The following TCOF1 variants were observed in gnomAD, a reference collection of about 807,000 sequenced individuals.
TCOF1 encodes treacle ribosome biogenesis factor 1.
Under a neutral mutation model 149.0 loss-of-function variants are expected in TCOF1, and 33 were observed. The observed-to-expected ratio is 0.22, with a 90% CI of 0.17 to 0.30. The LOEUF (loss-of-function observed/expected upper bound fraction) is 0.30, where lower values mean the gene tolerates loss of function less well. Ranked by LOEUF, TCOF1 falls within the 10% of genes least tolerant of loss-of-function variation. The pLI is 1.00. For missense variants in TCOF1, 1,728 were observed against 1,840.7 expected (o/e 0.94, Z 1.12); for synonymous variants, 789 against 738.8 (o/e 1.07, Z -1.10).
chr5:150,392,436 T>A (rs1396908423), intron 21 of TCOF1: 1 of 608,852 alleles, frequency 1.6e-6, no homozygotes, highest in African/African-American at 1.9e-5. Flanking sequence ...TCCAGGGCCA[T>A]GTTTCTGGAA....
At position 150,398,974 on chromosome 5, in the gene TCOF1, G is replaced by A. The variant is rs776679152; in HGVS notation, c.4444-48G>A. The A allele has an allele frequency of 1.6e-5, 26 of 1,613,882 alleles. No homozygotes were observed. In the Admixed American group the frequency reaches 3.0e-4, roughly 19 times the overall value. On this transcript the variant is annotated intron_variant, in intron 25 of 26. Coordinates refer to ENST00000643257, the MANE Select transcript of TCOF1 (RefSeq NM_001371623.1). ...TCAGGAGGTGGGGGCAGCAGTGGGT[G>A]GGGAAAAGCTGCAGGTCTGAGAGCC...
intron 3 of TCOF1, among the ~76,000 whole-genome samples, chr5:150,365,778 G>T (rs1417224156): frequency 6.6e-6 from 1 of 151,976 alleles, no homozygotes; most frequent in African/African-American, 2.4e-5. Flanking sequence ...GGCCTCAAGT[G>T]ATCCTCCTGC....
chr5:150,381,915 G>A (rs560641227), intron 17 of TCOF1, among the ~76,000 whole-genome samples: 1 of 152,300 alleles, frequency 6.6e-6, no homozygotes, highest in African/African-American at 2.4e-5. Context: ...CTGGGGGCAG[G>A]CCAGGCACGG....
intron 18 of TCOF1, among the ~76,000 whole-genome samples, chr5:150,389,238 G>A (rs1393192125): frequency 2.6e-5 from 4 of 152,120 alleles, no homozygotes; most frequent in African/African-American, 4.8e-5. Flanking sequence ...TTTGACAAAT[G>A]CTAACTTTAT....
chr5:150,372,250 G>A lies in TCOF1; in HGVS notation c.870+14G>A, dbSNP rs1762710595. ...ACACGAAGCCAGGTGAGGCCTGGAG[G>A]AGGGCTGCCCCTTGGAGGACCTGCG... On this transcript the variant is annotated intron_variant, in intron 7 of 26. Transcript: ENST00000643257. 1.9e-6 allele frequency: 3 copies of A among 1,599,262 alleles called. No individual in the cohort carries two copies. Among genetic ancestry groups the A allele is most frequent in the Non-Finnish European group, 2.6e-6 (3 of 1,173,300 alleles).
chr5:150,376,293 A>C lies in TCOF1; in HGVS notation c.2105A>C (p.Glu702Ala). 1 of 1,614,194 alleles carries C rather than the reference A, an allele frequency of 6.2e-7. No homozygotes were observed. The highest frequency in any genetic ancestry group is 1.3e-5 in the African/African-American group (1 of 75,044). The change falls in exon 13 of 27, where the codon GAG becomes GCG. Residue 702 changes from glutamate to alanine, a missense_variant. Coordinates refer to ENST00000643257, the MANE Select transcript of TCOF1 (RefSeq NM_001371623.1). Reference sequence around the variant, plus strand: ...TCAAGCAGTGAGGAATCAGATAGTGAGGAAGAGAAGACAGGTCTTGCAGTA... The same window carrying C: ...TCAAGCAGTGAGGAATCAGATAGTGCGGAAGAGAAGACAGGTCTTGCAGTA... ...DSSSSEESDS[E>A]EEKTGLAVTV...
rs1231290235 is a variant in TCOF1 at position 150,376,578 on chromosome 5, G to A, written c.2298G>A (p.Glu766=). The A allele has an allele frequency of 1.3e-6, 2 of 1,588,920 alleles. No individual in the cohort carries two copies. The highest frequency in any genetic ancestry group is 1.8e-4 in the Middle Eastern group (1 of 5,560). Residue 766 remains glutamate (E), a synonymous_variant, in exon 14 of 27, where the codon GAG becomes GAA. Coordinates refer to ENST00000643257, the MANE Select transcript of TCOF1 (RefSeq NM_001371623.1). ...AGCAGGAAGACTCTGAGAGCAGTGAGGAGGAATCAGACAGTGAGGAAGCAG... is the reference window on the plus strand; with the variant it reads ...AGCAGGAAGACTCTGAGAGCAGTGAAGAGGAATCAGACAGTGAGGAAGCAG... ...AEKQEDSESS[E]EESDSEEAAA...
At chr5:150,381,854 G>A (rs1765273201) in intron 17 of TCOF1, among the ~76,000 whole-genome samples, 1 of 152,126 alleles carries the variant, frequency 6.6e-6, no homozygotes, top group Admixed American at 6.5e-5. Flanking sequence ...CTTCATCTCT[G>A]CACTCCACTA....
chr5:150,393,556 A>G lies in TCOF1; in HGVS notation c.3784+4A>G. 1 of 1,614,150 alleles carries G rather than the reference A, an allele frequency of 6.2e-7. No individual in the cohort carries two copies. Among genetic ancestry groups the G allele is most frequent in the Non-Finnish European group, 8.5e-7 (1 of 1,180,014 alleles). ...GGCATGTTGTCCCCTAAAACAGGTA[A>G]GTTAAGGTCTGCAGGAGGGACATAG... On this transcript the variant is annotated splice_donor_region_variant and intron_variant, in intron 23 of 26. Coordinates refer to ENST00000643257, the MANE Select transcript of TCOF1 (RefSeq NM_001371623.1).
intron 21 of TCOF1, 39 bp downstream of exon 21, chr5:150,392,215 G>T: frequency 6.2e-7 from 1 of 1,604,520 alleles, no homozygotes; most frequent in Non-Finnish European, 8.5e-7. Flanking sequence ...GGGCCAGGAA[G>T]AGGGTGTTGT....
chr5:150,389,774 C>T, intron 18 of TCOF1, 113 bp from the exon 19 acceptor site: 1 of 1,585,450 alleles, frequency 6.3e-7, no homozygotes, highest in South Asian at 1.1e-5. Flanking sequence ...CTCTGTAAGC[C>T]CTGAGCACAG....
intron 18 of TCOF1, 104 bp from the exon 19 acceptor site, chr5:150,389,783 A>G: frequency 1.3e-6 from 2 of 1,597,900 alleles, no homozygotes; most frequent in Non-Finnish European, 1.7e-6. Context: ...CCCTGAGCAC[A>G]GCTCTAGATC....
At position 150,369,043 on chromosome 5, in the gene TCOF1, T is replaced by C. The variant is rs1030891074; in HGVS notation, c.565+141T>C. On this transcript the variant is annotated intron_variant, in intron 5 of 26. Transcript: ENST00000643257. ...AGCCAGGTTCCTGCATCTTAGGACT[T>C]TTCTCATCACCTAGACGAGGGAGGG... The C allele has an allele frequency of 8.0e-6, 9 of 1,129,040 alleles. No individual in the cohort carries two copies. In the African/African-American group the frequency reaches 1.1e-4, roughly 14 times the overall value. 69.9% of individuals were successfully genotyped at this position (1,129,040 alleles called of 1,614,324 possible).
In TCOF1 at chr5:150,392,200, A is replaced by G. The variant is rs531341763; in HGVS notation, c.3517+24A>G. On this transcript the variant is annotated intron_variant, in intron 21 of 26. Coordinates refer to ENST00000643257, the MANE Select transcript of TCOF1 (RefSeq NM_001371623.1). ...GGGTGAGGGTGCCAGGGGAAAGGCA[A>G]GGGTGGGCCAGGAAGAGGGTGTTGT... 6 of 1,610,240 alleles carry G rather than the reference A, an allele frequency of 3.7e-6. No individual in the cohort carries two copies. In the African/African-American group the frequency reaches 8.0e-5, roughly 21 times the overall value.
chr5:150,375,643 G>A, intron 11 of TCOF1, 78 bp from the exon 12 acceptor site: 2 of 1,612,516 alleles, frequency 1.2e-6, no homozygotes, highest in Non-Finnish European at 1.7e-6. Context: ...CTGGGACTCT[G>A]TCTACAATCT....
chr5:150,382,722 G>A (rs1011042084), intron 17 of TCOF1, among the ~76,000 whole-genome samples: 1 of 152,358 alleles, frequency 6.6e-6, no homozygotes, highest in South Asian at 2.1e-4. Flanking sequence ...GCTGTGCTGG[G>A]ACCACTGGCT....
intron 17 of TCOF1, chr5:150,385,187 C>A: frequency 1.4e-6 from 1 of 718,082 alleles, no homozygotes; most frequent in Non-Finnish European, 1.7e-6. Flanking sequence ...TTTTTAAGGC[C>A]AACTTCTTCT....
chr5:150,390,632 ACT>A (rs914929129), intron 19 of TCOF1, among the ~76,000 whole-genome samples: 15 of 137,236 alleles, frequency 1.1e-4, no homozygotes, highest in African/African-American at 4.2e-4. Context: ...TCCATGACAC[ACT>A]CTGACCTCTC....
intron 4 of TCOF1, 114 bp downstream of exon 4, chr5:150,368,031 A>T (rs980348383): frequency 5.9e-5 from 69 of 1,163,374 alleles, no homozygotes; most frequent in Middle Eastern, 5.9e-4. Context: ...ACCTGGATTC[A>T]GAGCTCAACC....
Sources: gnomAD v4.1 joint callset for allele counts (sites outside exome capture counted in the v4.1 genomes callset) on GRCh38, gnomAD v4.1.1 for gene constraint, MANE v1.5 for transcripts, NCBI Gene and HGNC (gene_info 2026-07-23, HGNC 2026-07-21) for gene names.